Variants in ERICH1 observed in about 807,000 individuals in gnomAD.
ERICH1 encodes the protein glutamate-rich protein 1.
A neutral mutation model predicts 39.6 loss-of-function variants in ERICH1; 56 were observed. That is an observed-to-expected ratio of 1.41 (90% CI 1.14 to 1.77). The LOEUF (loss-of-function observed/expected upper bound fraction) is 1.77. Ranked by LOEUF, ERICH1 falls within the 40% of genes most tolerant of loss-of-function variation. The pLI is 0.00. For missense variants in ERICH1, 826 were observed against 575.4 expected (o/e 1.44, Z -4.45); for synonymous variants, 313 against 223.6 (o/e 1.40, Z -3.57).
intron 3 of ERICH1, among the ~76,000 whole-genome samples, chr8:688,134 G>C (rs984124804): frequency 6.6e-6 from 1 of 152,206 alleles, no homozygotes; most frequent in African/African-American, 2.4e-5. Flanking sequence ...GGGAGGGTCT[G>C]CAACCCAGGC....
intron 1 of ERICH1, among the ~76,000 whole-genome samples, chr8:721,118 G>T (rs780509729): frequency 1.5e-4 from 23 of 152,124 alleles, no homozygotes; most frequent in African/African-American, 5.1e-4. Flanking sequence ...TAAAGCGGGA[G>T]ATTTTTTCTT....
intron 3 of ERICH1, chr8:615,387 G>C (rs527795915): frequency 3.5e-6 from 2 of 566,944 alleles, no homozygotes; most frequent in African/African-American, 3.8e-5. Flanking sequence ...AGATAACTAA[G>C]ATTAGTCTTC....
chr8:633,741 C>T (rs957503336), intron 3 of ERICH1, among the ~76,000 whole-genome samples: 2 of 152,182 alleles, frequency 1.3e-5, no homozygotes, highest in South Asian at 2.1e-4. Context: ...AACTCAAGGT[C>T]GAATGGGCTT....
At chr8:697,659 C>A (rs532436160) in intron 2 of ERICH1, among the ~76,000 whole-genome samples, 1 of 152,138 alleles carries the variant, frequency 6.6e-6, no homozygotes, top group Non-Finnish European at 1.5e-5. Flanking sequence ...CCTCTGCCCA[C>A]CCCGCACAGT....
intron 5 of ERICH1, chr8:668,140 A>G (rs1802564766): frequency 8.2e-6 from 2 of 243,116 alleles, no homozygotes; most frequent in South Asian, 1.1e-4. Context: ...ACATGAGCAC[A>G]GCTGCTCCAG....
At chr8:660,081 T>G (rs767339984), downstream of ERICH1, among the ~76,000 whole-genome samples, 5 of 152,136 alleles carry the variant, frequency 3.3e-5, no homozygotes, top group Admixed American at 6.5e-5. Flanking sequence ...GGCAACGAGG[T>G]GGGGCTGAGC....
At chr8:712,768 G>A (rs1489260743) in intron 2 of ERICH1, among the ~76,000 whole-genome samples, 6 of 152,172 alleles carry the variant, frequency 3.9e-5, no homozygotes, top group African/African-American at 4.8e-5. Flanking sequence ...GTTGACTTCC[G>A]TGTATTAACT....
At chr8:626,594 T>C (rs1264685554) in intron 3 of ERICH1, 1 of 156,030 alleles carries the variant, frequency 6.4e-6, no homozygotes, top group Non-Finnish European at 1.4e-5. Context: ...CGAGAAGTGA[T>C]GCTCTGCCGG....
intron 3 of ERICH1, among the ~76,000 whole-genome samples, chr8:634,566 T>C (rs1393034342): frequency 6.6e-6 from 1 of 152,184 alleles, no homozygotes; most frequent in South Asian, 2.1e-4. Flanking sequence ...CAGGTTTGCT[T>C]GCGGCTCACT....
At chr8:713,935 C>A (rs1264888667) in intron 2 of ERICH1, among the ~76,000 whole-genome samples, 3 of 152,038 alleles carry the variant, frequency 2.0e-5, no homozygotes, top group Admixed American at 6.5e-5. Context: ...AATGGACCCG[C>A]CCACATGTGC....
chr8:651,453 G>A (rs1799933803), intron 3 of ERICH1, among the ~76,000 whole-genome samples: 1 of 152,218 alleles, frequency 6.6e-6, no homozygotes, highest in African/African-American at 2.4e-5. Flanking sequence ...GGGCTTCAGG[G>A]CCTTCAGAGC....
At chr8:634,707 G>A (rs1798289714) in intron 3 of ERICH1, among the ~76,000 whole-genome samples, 1 of 152,200 alleles carries the variant, frequency 6.6e-6, no homozygotes, top group South Asian at 2.1e-4. Context: ...AGCTGGTCCC[G>A]GGTGTGAGAG....
intron 2 of ERICH1, among the ~76,000 whole-genome samples, chr8:703,038 C>T (rs960887522): frequency 3.3e-5 from 5 of 152,202 alleles, no homozygotes; most frequent in Admixed American, 1.3e-4. Context: ...ACATGAGCTG[C>T]GTGAGCTTTC....
intron 1 of ERICH1, 81 bp from the exon 2 acceptor site, chr8:716,088 C>T: frequency 6.7e-7 from 1 of 1,489,408 alleles, no homozygotes; most frequent in South Asian, 1.4e-5. Flanking sequence ...GACTTTTACT[C>T]TACACAAACA....
rs1040268169 is a variant in ERICH1, at chr8:650,459, G to A, written c.976+18139C>T. ...TAACTCGTTTTCCATCTCAGTTACC[G>A]TCCTCGGCAGGGCACTGTCACATCC... On this transcript the variant is annotated intron_variant, in intron 3 of 3. Transcript: ENST00000522706. 2.0e-5 allele frequency among the ~76,000 whole-genome samples: 3 copies of A among 152,174 alleles called. No individual in the cohort carries two copies. In the East Asian group the frequency reaches 5.8e-4, roughly 29 times the overall value.
chr8:709,865 A>G (rs1468113292), intron 2 of ERICH1, among the ~76,000 whole-genome samples: 1 of 152,190 alleles, frequency 6.6e-6, no homozygotes, highest in Non-Finnish European at 1.5e-5. Context: ...GCCCCACCTA[A>G]TTTCATCTTC....
chr8:693,180 C>G (rs1809321166), intron 2 of ERICH1, among the ~76,000 whole-genome samples: 1 of 152,012 alleles, frequency 6.6e-6, no homozygotes, highest in South Asian at 2.1e-4. Flanking sequence ...ACAGACCACA[C>G]ACACAGGGAC....
intron 3 of ERICH1, among the ~76,000 whole-genome samples, chr8:651,216 G>A (rs372882766): frequency 9.1e-4 from 139 of 152,340 alleles, no homozygotes; most frequent in African/African-American, 3.2e-3. Context: ...AGCTCAAGTT[G>A]TTAGTCCAGG....
chr8:696,933 C>G lies in ERICH1; in HGVS notation c.170-4321G>C, dbSNP rs111525658. 5.7e-3 allele frequency among the ~76,000 whole-genome samples: 864 copies of G among 150,754 alleles called. 10 individuals carry two copies. Among genetic ancestry groups the G allele is most frequent in the African/African-American group, 0.02 (826 of 40,956 alleles). On this transcript the variant is annotated intron_variant, in intron 2 of 5. Transcript: ENST00000262109. ...CCTCCCCATCAGCCTGTACTCGCTTCTCTCACCCTCCACTCCTTCCTCCCC... is the reference window on the plus strand; with the variant it reads ...CCTCCCCATCAGCCTGTACTCGCTTGTCTCACCCTCCACTCCTTCCTCCCC...
Sources: gnomAD v4.1 joint callset for allele counts (sites outside exome capture counted in the v4.1 genomes callset) on GRCh38, gnomAD v4.1.1 for gene constraint, MANE v1.5 for transcripts, NCBI Gene and HGNC (gene_info 2026-07-23, HGNC 2026-07-21) for gene names.